Variants in MBP observed in about 807,000 individuals in gnomAD.
MBP encodes the protein Golli-MBP.
Under a neutral mutation model 35.8 loss-of-function variants are expected in MBP, and 16 were observed. That is an observed-to-expected ratio of 0.45 (90% CI 0.30 to 0.68). The LOEUF (loss-of-function observed/expected upper bound fraction) is 0.68, where lower values mean the gene tolerates loss of function less well. Ranked by LOEUF, MBP falls within the 30% of genes least tolerant of loss-of-function variation. The pLI, the probability that MBP is intolerant of heterozygous loss-of-function variation, is 0.08. For missense variants in MBP, 380 were observed against 404.7 expected (o/e 0.94, Z 0.52); for synonymous variants, 143 against 159.6 (o/e 0.90, Z 0.78).
At chr18:77,056,148 T>C (rs1488136806) in intron 3 of MBP, among the ~76,000 whole-genome samples, 2 of 152,190 alleles carry the variant, frequency 1.3e-5, no homozygotes, top group Non-Finnish European at 2.9e-5. Context: ...CGCCCGGGGC[T>C]GGGTCTGCAG....
chr18:77,096,786 C>T (rs1368221669), intron 2 of MBP, among the ~76,000 whole-genome samples: 1 of 111,166 alleles, frequency 9.0e-6, no homozygotes, highest in African/African-American at 4.4e-5. Flanking sequence ...CCATTTTGGG[C>T]AAATGTAAGT....
chr18:77,106,135 T>C (rs1599256054), intron 1 of MBP, among the ~76,000 whole-genome samples: 1 of 152,274 alleles, frequency 6.6e-6, no homozygotes, highest in East Asian at 1.9e-4. Context: ...TGCAAAAAGG[T>C]GTGAGTACCC....
At chr18:77,132,948 G>A (rs1977336146), upstream of MBP, 1 of 152,086 alleles carries the variant, frequency 6.6e-6, no homozygotes, top group Admixed American at 6.6e-5. Context: ...GGCCCGCTCT[G>A]CCCACGCGGA....
chr18:77,008,919 C>T (rs1025604793), intron 4 of MBP, among the ~76,000 whole-genome samples: 1 of 152,206 alleles, frequency 6.6e-6, no homozygotes, highest in South Asian at 2.1e-4. Context: ...TAAATGGTCC[C>T]CCCTTGCCGG....
At chr18:77,022,939 G>A (rs1312696337) in intron 3 of MBP, among the ~76,000 whole-genome samples, 1 of 152,176 alleles carries the variant, frequency 6.6e-6, no homozygotes, top group East Asian at 1.9e-4. Flanking sequence ...TTTACATTTG[G>A]ATATTTATAG....
intron 2 of MBP, among the ~76,000 whole-genome samples, chr18:77,082,922 C>T (rs979428527): frequency 8.3e-6 from 1 of 120,740 alleles, no homozygotes; most frequent in African/African-American, 3.0e-5. Flanking sequence ...TTTAAGGAGA[C>T]TAACTATTCT....
chr18:77,053,264 G>C (rs1973579530), intron 3 of MBP, among the ~76,000 whole-genome samples: 1 of 152,172 alleles, frequency 6.6e-6, no homozygotes, highest in Non-Finnish European at 1.5e-5. Flanking sequence ...CTGCTTCAGG[G>C]GAGGGGTGGG....
chr18:77,078,530 G>T (rs181036478), intron 2 of MBP, among the ~76,000 whole-genome samples: 1 of 152,218 alleles, frequency 6.6e-6, no homozygotes, highest in African/African-American at 2.4e-5. Context: ...ATCCCATAAA[G>T]TTGTTTACTG....
intron 4 of MBP, chr18:77,015,717 A>G (rs1971588426): frequency 1.0e-6 from 1 of 985,380 alleles, no homozygotes; most frequent in Non-Finnish European, 1.2e-6. Context: ...TTTCTCTTCA[A>G]CAATTTCATG....
At chr18:77,024,031 A>G (rs1254793662) in intron 3 of MBP, among the ~76,000 whole-genome samples, 3 of 152,226 alleles carry the variant, frequency 2.0e-5, no homozygotes, top group African/African-American at 7.2e-5. Flanking sequence ...AAGGAAAGAC[A>G]CCAAACCCCC....
intron 1 of MBP, among the ~76,000 whole-genome samples, chr18:77,111,784 G>C (rs1430977772): frequency 6.6e-6 from 1 of 152,176 alleles, no homozygotes; most frequent in East Asian, 1.9e-4. Flanking sequence ...CCTAGAACAC[G>C]GACAGTGACA....
At chr18:77,130,763 A>C (rs8093312) in intron 1 of MBP, among the ~76,000 whole-genome samples, 41,946 of 151,246 alleles carry the variant, frequency 0.28, 6,775 homozygotes, top group Middle Eastern at 0.46. Flanking sequence ...CCACTGACCA[A>C]ACTCAAACCC....
At chr18:77,057,824 G>GTTTTTTTTTTTT (rs780881071) in intron 3 of MBP, among the ~76,000 whole-genome samples, 1,055 of 9,222 alleles carry the variant, frequency 0.11, 401 homozygotes, top group Middle Eastern at 0.5. Context: ...GGCGGGGAGT[G>GTTTTTTTTTTTT]TTTTTTTTTT....
intron 3 of MBP, among the ~76,000 whole-genome samples, chr18:77,048,488 A>G (rs1012822094): frequency 6.6e-6 from 1 of 151,890 alleles, no homozygotes; most frequent in African/African-American, 2.4e-5. Context: ...TGGCTTTTTG[A>G]GATGGAGTCT....
intron 3 of MBP, among the ~76,000 whole-genome samples, chr18:77,030,392 C>CAGGGACGGGAAGGGACAGGA (rs1972498516): frequency 6.6e-6 from 1 of 152,168 alleles, no homozygotes; most frequent in Non-Finnish European, 1.5e-5. Flanking sequence ...GGCCTCCACA[C>CAGGGACGGGAAGGGACAGGA]AGGGACGGGA....
At chr18:77,056,366 T>A (rs1396031294) in intron 3 of MBP, among the ~76,000 whole-genome samples, 1 of 152,206 alleles carries the variant, frequency 6.6e-6, no homozygotes, top group Admixed American at 6.5e-5. Flanking sequence ...TCTAGAAAAC[T>A]TGCCACTATG....
At chr18:77,036,651 C>T (rs547903455) in intron 3 of MBP, among the ~76,000 whole-genome samples, 23 of 80,390 alleles carry the variant, frequency 2.9e-4, no homozygotes, top group Non-Finnish European at 5.4e-4. Flanking sequence ...ATTTTGGAGA[C>T]AGCTGAGCAA....
intron 2 of MBP, among the ~76,000 whole-genome samples, chr18:77,089,436 G>A (rs555214661): frequency 6.6e-6 from 1 of 152,350 alleles, no homozygotes; most frequent in South Asian, 2.1e-4. Flanking sequence ...GAGGCAGGGA[G>A]AAGGCAGGGG....
rs1479982617 is a variant in MBP at position 77,131,077 on chromosome 18, A to T, written c.-26+1503T>A. Among the ~76,000 whole-genome samples, 1 of 133,048 alleles carries T rather than the reference A, an allele frequency of 7.5e-6. No individual in the cohort carries two copies. Among genetic ancestry groups the T allele is most frequent in the Non-Finnish European group, 1.5e-5 (1 of 64,792 alleles). The allele number at this position is 133,048 out of a possible 152,430, so 87.3% of individuals were successfully genotyped here. ...AAAAACAAAACACACACACGCGCGC[A>T]CGCACGCGCACACACACACACACAC... On this transcript the variant is annotated intron_variant, in intron 1 of 8. Coordinates refer to ENST00000355994, the MANE Select transcript of MBP (RefSeq NM_001025101.2). This position sits in a 1 kb window ranked among gnomAD's most constrained non-coding sequence, Gnocchi z 5.5.
Sources: allele counts gnomAD v4.1 joint callset (sites outside exome capture counted in the v4.1 genomes callset), GRCh38; gene constraint gnomAD v4.1.1; non-coding constraint Gnocchi (gnomAD v3.1); transcripts MANE v1.5; gene names NCBI Gene and HGNC (gene_info 2026-07-23, HGNC 2026-07-21).